NTNG1: variants seen among roughly 807,000 people sequenced by gnomAD.
The protein encoded by NTNG1 is netrin G1.
NTNG1 carries 16 observed loss-of-function variants against 54.0 expected under a neutral mutation model. The ratio of observed to expected loss-of-function variants is 0.30; its 90% confidence interval spans 0.20 to 0.45. The LOEUF (loss-of-function observed/expected upper bound fraction) is 0.45. Ranked by LOEUF, NTNG1 falls within the 20% of genes least tolerant of loss-of-function variation. NTNG1 has a pLI of 1.00. For missense variants in NTNG1, 530 were observed against 678.7 expected, an observed-to-expected ratio of 0.78 and a Z score of 2.43; for synonymous variants, 255 against 263.1, an observed-to-expected ratio of 0.97 and a Z score of 0.30.
chr1:107,450,484 T>C lies in NTNG1; in HGVS notation c.1390+13685T>C, dbSNP rs1039420220. On this transcript the variant is annotated intron_variant, in intron 7 of 7. Coordinates refer to ENST00000370068, the MANE Select transcript of NTNG1 (RefSeq NM_001113226.3). ...GATGGTACCCATCCTCAGAGTTTCA[T>C]TGAAAATGGTGAGGAATGGATTAAC... Among the ~76,000 whole-genome samples, 7 of 152,048 alleles carry C rather than the reference T, an allele frequency of 4.6e-5. No homozygotes were observed. The East Asian group carries it at 7.7e-4, about 17-fold the overall frequency.
chr1:107,351,969 C>A (rs1195601203), intron 3 of NTNG1, among the ~76,000 whole-genome samples: 4 of 152,232 alleles, frequency 2.6e-5, no homozygotes, highest in Non-Finnish European at 5.9e-5. Flanking sequence ...GTCATTAAAC[C>A]TTAAAGCTTC....
rs541508220 is a variant in NTNG1 at position 107,144,603 on chromosome 1, G to A, written c.-526+3463G>A. 4.6e-5 allele frequency among the ~76,000 whole-genome samples: 7 copies of A among 151,954 alleles called. No homozygotes were observed. In the South Asian group the frequency reaches 1.5e-3, roughly 32 times the overall value. On this transcript the variant is annotated intron_variant, in intron 1 of 7. Coordinates refer to ENST00000370068, the MANE Select transcript of NTNG1 (RefSeq NM_001113226.3). Reference sequence around the variant, plus strand: ...GGCTTTTTTTTTCTGGTGAAAGAAAGGGCCTGTGAAAATGGCTTCTGCAAA... The same window carrying A: ...GGCTTTTTTTTTCTGGTGAAAGAAAAGGCCTGTGAAAATGGCTTCTGCAAA...
intron 2 of NTNG1, among the ~76,000 whole-genome samples, chr1:107,255,104 T>C (rs1217715348): frequency 6.6e-6 from 1 of 152,168 alleles, no homozygotes; most frequent in Non-Finnish European, 1.5e-5. Flanking sequence ...TTATAACTAA[T>C]ATGCATCCCA....
At chr1:107,277,080 T>C (rs1270451324) in intron 2 of NTNG1, among the ~76,000 whole-genome samples, 1 of 136,420 alleles carries the variant, frequency 7.3e-6, no homozygotes, top group African/African-American at 3.4e-5. Context: ...TATGAAAAAG[T>C]GTTACACTGT....
intron 7 of NTNG1, among the ~76,000 whole-genome samples, chr1:107,466,499 T>C (rs886550536): frequency 6.6e-6 from 1 of 152,172 alleles, no homozygotes; most frequent in South Asian, 2.1e-4. Flanking sequence ...TCCCTATTCA[T>C]ATAAAAGTAC....
chr1:107,278,818 G>T (rs1414733736), intron 2 of NTNG1, among the ~76,000 whole-genome samples: 5 of 151,922 alleles, frequency 3.3e-5, no homozygotes, highest in African/African-American at 1.2e-4. Context: ...TTGATGTCTT[G>T]TTCCATCAAC....
At position 107,374,552 on chromosome 1, in the gene NTNG1, G is replaced by A. The variant is rs986762742; in HGVS notation, c.888-20602G>A. On this transcript the variant is annotated intron_variant, in intron 3 of 7. Transcript: ENST00000370068. The stretch of plus-strand genomic sequence containing the variant: ...TACAGAAATGTACTTTTTGGCTCTA[G>A]AAGTTCAATTTGGGTCTTTTAAAAA... Among the ~76,000 whole-genome samples, 3 of 151,856 alleles carry A rather than the reference G, an allele frequency of 2.0e-5. No homozygotes were observed. The South Asian group carries it at 6.3e-4, about 32-fold the overall frequency.
chr1:107,435,674 G>A (rs1337048320), intron 6 of NTNG1, among the ~76,000 whole-genome samples: 2 of 152,038 alleles, frequency 1.3e-5, no homozygotes, highest in African/African-American at 2.4e-5. Flanking sequence ...TAGTTGGATG[G>A]TATAGTTTTA....
intron 3 of NTNG1, chr1:107,330,865 C>T (rs1668233908): frequency 6.6e-6 from 1 of 151,908 alleles, no homozygotes; most frequent in Non-Finnish European, 1.5e-5. Flanking sequence ...TGGAATACTA[C>T]TATGTAAAAG....
In NTNG1 at chr1:107,390,045, T is replaced by C. The variant is rs529443156; in HGVS notation, c.888-5109T>C. ...TGTTTTTGTTTTTTTGTTTTTTTTC[T>C]GGCAAGGGCTCTAAATCACAGGTTT... is the stretch of plus-strand genomic sequence containing the variant. On this transcript the variant is annotated intron_variant, in intron 3 of 7. Transcript: ENST00000370068. 1.3e-3 allele frequency among the ~76,000 whole-genome samples: 195 copies of C among 152,282 alleles called. 1 individual carries two copies. Among genetic ancestry groups the C allele is most frequent in the African/African-American group, 4.5e-3 (189 of 41,554 alleles).
At position 107,481,927 on chromosome 1, in the gene NTNG1, T is replaced by G. The variant is rs1257295997; in HGVS notation, c.*1087T>G. 4 of 152,318 alleles carry G rather than the reference T, an allele frequency of 2.6e-5. No homozygotes were observed. Among genetic ancestry groups the G allele is most frequent in the Non-Finnish European group, 5.9e-5 (4 of 68,020 alleles). The allele number at this position is 152,318 out of a possible 1,614,324, so 9.4% of individuals were successfully genotyped here. A position where few individuals can be genotyped will look rare whatever the true frequency, so the allele number is the denominator to read the frequency against. On this transcript the variant is annotated 3_prime_UTR_variant, in exon 8 of 8. Transcript: ENST00000370068. ...CCAAGCAGTTTCACACTCACTTTAC[T>G]GATTTCTGTGTGGACTGAGTACATT...
chr1:107,421,914 C>CAAAG (rs1674597032), intron 5 of NTNG1, among the ~76,000 whole-genome samples: 1 of 152,020 alleles, frequency 6.6e-6, no homozygotes, highest in Non-Finnish European at 1.5e-5. Flanking sequence ...ACACCTCTTA[C>CAAAG]AAAGAAATGC....
intron 2 of NTNG1, among the ~76,000 whole-genome samples, chr1:107,179,113 C>T (rs150705546): frequency 6.6e-6 from 1 of 152,148 alleles, no homozygotes; most frequent in Non-Finnish European, 1.5e-5. Context: ...AAGATGGGCT[C>T]TTTAGAGGGG....
At chr1:107,334,286 A>G (rs187509691) in intron 3 of NTNG1, among the ~76,000 whole-genome samples, 3 of 152,158 alleles carry the variant, frequency 2.0e-5, no homozygotes, top group Non-Finnish European at 2.9e-5. Context: ...TGAACATTGT[A>G]TATAGCTAAG....
intron 3 of NTNG1, among the ~76,000 whole-genome samples, chr1:107,392,148 T>A (rs1323822238): frequency 6.6e-6 from 1 of 151,972 alleles, no homozygotes; most frequent in East Asian, 1.9e-4. Context: ...GGGAGAGAGA[T>A]CTGAGATGGA....
At position 107,381,495 on chromosome 1, in the gene NTNG1, A is replaced by G. The variant is rs17018831; in HGVS notation, c.888-13659A>G. ...TAGTGATATCATTTCTCCATTTTCC[A>G]AAGCTAAATGCTAGGTAGAAAACTC... On this transcript the variant is annotated intron_variant, in intron 3 of 7. Transcript: ENST00000370068. Among the ~76,000 whole-genome samples the G allele has an allele frequency of 9.1e-3, 1,381 of 152,256 alleles. 24 individuals are homozygous for G. Among genetic ancestry groups the G allele is most frequent in the African/African-American group, 0.032 (1,317 of 41,536 alleles).
At chr1:107,353,888 A>G (rs1409330869) in intron 3 of NTNG1, among the ~76,000 whole-genome samples, 2 of 152,184 alleles carry the variant, frequency 1.3e-5, no homozygotes, top group East Asian at 3.8e-4. Context: ...TCTTACATGG[A>G]AAGAGCAGTA....
intron 3 of NTNG1, among the ~76,000 whole-genome samples, chr1:107,336,919 A>T (rs1402015977): frequency 2.0e-5 from 3 of 152,048 alleles, no homozygotes; most frequent in Admixed American, 2.0e-4. Context: ...AACCACAATG[A>T]AATACCACTT....
intron 1 of NTNG1, among the ~76,000 whole-genome samples, chr1:107,143,771 A>G (rs1241164483): frequency 6.6e-6 from 1 of 152,054 alleles, no homozygotes; most frequent in Non-Finnish European, 1.5e-5. Flanking sequence ...AGAATTAAAT[A>G]TTTGTTTTTC....
Sources: allele counts gnomAD v4.1 joint callset (sites outside exome capture counted in the v4.1 genomes callset), GRCh38; gene constraint gnomAD v4.1.1; transcripts MANE v1.5; gene names NCBI Gene and HGNC (gene_info 2026-07-23, HGNC 2026-07-21).